Variants in ADAMTS16 observed in about 807,000 individuals in gnomAD.
ADAMTS16 encodes A disintegrin and metalloproteinase with thrombospondin motifs 16.
ADAMTS16 carries 94 observed loss-of-function variants against 145.8 expected under a neutral mutation model. The ratio of observed to expected loss-of-function variants is 0.64; its 90% confidence interval spans 0.55 to 0.77. The LOEUF (loss-of-function observed/expected upper bound fraction) is 0.77. Among genes scored for constraint, ADAMTS16 ranks in the 30% least tolerant of loss-of-function variants. The probability of loss-of-function intolerance (pLI) is 0.00; values close to 1 mark genes in which losing one functional copy is unlikely to be tolerated. For missense variants in ADAMTS16, 1,585 were observed against 1,591.5 expected, an observed-to-expected ratio of 1.00 and a Z score of 0.07; for synonymous variants, 659 against 604.3, an observed-to-expected ratio of 1.09 and a Z score of -1.33.
chr5:5,151,834 C>A (rs1288422057), intron 3 of ADAMTS16, among the ~76,000 whole-genome samples: 1 of 151,906 alleles, frequency 6.6e-6, no homozygotes, highest in East Asian at 1.9e-4. Flanking sequence ...GGTCTTTATA[C>A]TTATTCATCC....
At chr5:5,239,987 G>C in intron 16 of ADAMTS16, 62 bp downstream of exon 16, 1 of 1,576,224 alleles carries the variant, frequency 6.3e-7, no homozygotes, top group Non-Finnish European at 8.6e-7. Context: ...GTCTGTGTAA[G>C]TTAATGGCTG....
chr5:5,296,609 C>T (rs1417102145), intron 18 of ADAMTS16, among the ~76,000 whole-genome samples: 1 of 152,134 alleles, frequency 6.6e-6, no homozygotes, highest in Non-Finnish European at 1.5e-5. Flanking sequence ...AGGCTTTGCA[C>T]AATTTCAGAT....
intron 8 of ADAMTS16, 31 bp from the exon 9 acceptor site, chr5:5,200,101 A>G (rs750967240): frequency 1.3e-5 from 19 of 1,470,992 alleles, no homozygotes; most frequent in African/African-American, 1.6e-5. Flanking sequence ...TTGTTCTGAA[A>G]GAACCATCTC....
rs1421786949 is a variant in ADAMTS16, at chr5:5,208,987, A to G, written c.1452-106A>G. Reference sequence around the variant, plus strand: ...AAAAAAAGTTCTCCTCTTTGTATACACAATATATGTTGTAAAATTACATGG... The same window carrying G: ...AAAAAAAGTTCTCCTCTTTGTATACGCAATATATGTTGTAAAATTACATGG... On this transcript the variant is annotated intron_variant, in intron 9 of 22. Coordinates refer to ENST00000274181, the MANE Select transcript of ADAMTS16 (RefSeq NM_139056.4). The G allele has an allele frequency of 2.1e-5, 27 of 1,284,604 alleles. 1 individual carries two copies. In the East Asian group the frequency reaches 5.2e-4, roughly 25 times the overall value. 79.6% of individuals were successfully genotyped at this position (1,284,604 alleles called of 1,614,324 possible).
chr5:5,147,301 T>G (rs1392875355), intron 3 of ADAMTS16, among the ~76,000 whole-genome samples: 1 of 152,150 alleles, frequency 6.6e-6, no homozygotes, highest in Non-Finnish European at 1.5e-5. Flanking sequence ...TTCAAGGTCT[T>G]GAGGATGTTA....
intron 8 of ADAMTS16, among the ~76,000 whole-genome samples, chr5:5,199,320 T>A (rs140353893): frequency 6.6e-6 from 1 of 152,198 alleles, no homozygotes; most frequent in Non-Finnish European, 1.5e-5. Context: ...ATGGCCCCCA[T>A]TAAGGGTTCC....
At chr5:5,250,599 G>A (rs77621161) in intron 17 of ADAMTS16, among the ~76,000 whole-genome samples, 3,870 of 152,258 alleles carry the variant, frequency 0.025, 179 homozygotes, top group African/African-American at 0.088. Flanking sequence ...GCAGGACCCT[G>A]GTGTGATGGA....
At chr5:5,159,187 A>T (rs1734680031) in intron 3 of ADAMTS16, among the ~76,000 whole-genome samples, 1 of 152,254 alleles carries the variant, frequency 6.6e-6, no homozygotes, top group Non-Finnish European at 1.5e-5. Flanking sequence ...CAGCAGGAAA[A>T]CATGAACTCT....
At chr5:5,189,326 C>G (rs762156861) in intron 6 of ADAMTS16, among the ~76,000 whole-genome samples, 1 of 152,180 alleles carries the variant, frequency 6.6e-6, no homozygotes, top group African/African-American at 2.4e-5. Context: ...CAATGTTCTA[C>G]GCTCTGTTAC....
chr5:5,274,847 G>T, intron 18 of ADAMTS16, among the ~76,000 whole-genome samples: 1 of 152,086 alleles, frequency 6.6e-6, no homozygotes, highest in Non-Finnish European at 1.5e-5. Flanking sequence ...TGGTTATTTA[G>T]GTTAAATCAT....
chr5:5,304,304 A>G (rs935173543), intron 20 of ADAMTS16, among the ~76,000 whole-genome samples: 1 of 152,074 alleles, frequency 6.6e-6, no homozygotes, highest in Non-Finnish European at 1.5e-5. Flanking sequence ...TTTCCTCTAC[A>G]CCATTCAGGA....
intron 9 of ADAMTS16, among the ~76,000 whole-genome samples, chr5:5,205,804 T>C (rs1014280852): frequency 2.0e-5 from 3 of 152,260 alleles, no homozygotes; most frequent in African/African-American, 2.4e-5. Flanking sequence ...TTACTGTTTC[T>C]TGTTCTTGGA....
chr5:5,303,576 C>T lies in ADAMTS16; in HGVS notation c.2996C>T (p.Ser999Leu). 4 of 1,614,070 alleles carry T rather than the reference C, an allele frequency of 2.5e-6. No homozygotes were observed. The highest frequency in any genetic ancestry group is 2.5e-6 in the Non-Finnish European group (3 of 1,179,990). The change falls in exon 20 of 23, where the codon TCA becomes TTA. Residue 999 changes from serine to leucine, a missense_variant. Ser to Leu is a moderately radical substitution (Grantham distance 145). Transcript: ENST00000274181. ...AWSAGPWAEC[S>L]HTCGKGWRKR... ...TATCCTGACTGTTCTGTGCAGTGCT[C>T]ACACACCTGTGGGAAGGGGTGGAGG...
At chr5:5,264,896 C>T (rs1052263795) in intron 18 of ADAMTS16, among the ~76,000 whole-genome samples, 7 of 152,216 alleles carry the variant, frequency 4.6e-5, no homozygotes, top group Non-Finnish European at 7.3e-5. Flanking sequence ...ACACACACGA[C>T]GATGCTCCAT....
intron 18 of ADAMTS16, among the ~76,000 whole-genome samples, chr5:5,294,501 A>C (rs576264244): frequency 1.3e-5 from 2 of 152,342 alleles, no homozygotes; most frequent in East Asian, 3.9e-4. Context: ...TGAGGCCTTC[A>C]ACAGACTGGA....
chr5:5,182,692 A>G (rs1427981746), intron 4 of ADAMTS16, among the ~76,000 whole-genome samples: 1 of 152,198 alleles, frequency 6.6e-6, no homozygotes, highest in Non-Finnish European at 1.5e-5. Flanking sequence ...TAATTCATTT[A>G]TATGCATGCT....
At chr5:5,152,232 T>C (rs1166167063) in intron 3 of ADAMTS16, among the ~76,000 whole-genome samples, 1 of 152,228 alleles carries the variant, frequency 6.6e-6, no homozygotes, top group African/African-American at 2.4e-5. Context: ...AGACACCGAA[T>C]TGCAGATGGG....
chr5:5,245,935 C>A (rs961827598), intron 17 of ADAMTS16, among the ~76,000 whole-genome samples: 1 of 152,132 alleles, frequency 6.6e-6, no homozygotes, highest in African/African-American at 2.4e-5. Flanking sequence ...ACTGGACTCT[C>A]AGTGAGCATC....
At chr5:5,192,168 G>A (rs904578881) in intron 8 of ADAMTS16, among the ~76,000 whole-genome samples, 2 of 152,098 alleles carry the variant, frequency 1.3e-5, no homozygotes, top group South Asian at 2.1e-4. Context: ...AATTTTTGGA[G>A]TGACAGGGTT....
Sources: gnomAD v4.1 joint callset for allele counts (sites outside exome capture counted in the v4.1 genomes callset) on GRCh38, gnomAD v4.1.1 for gene constraint, MANE v1.5 for transcripts, NCBI Gene and HGNC (gene_info 2026-07-23, HGNC 2026-07-21) for gene names.